Variants in FANCL observed in about 807,000 individuals in gnomAD.
FANCL encodes FA complementation group L, also known as E3 ubiquitin-protein ligase FANCL.
In FANCL, 69 loss-of-function variants were observed where a neutral mutation model predicts 59.4. The observed-to-expected ratio is 1.16, with a 90% confidence interval of 0.96 to 1.42. The LOEUF (loss-of-function observed/expected upper bound fraction) is 1.42, where lower values mean the gene tolerates loss of function less well. Among genes scored for constraint, FANCL ranks in the 40% most tolerant of loss-of-function variants. FANCL has a pLI of 0.00. For missense variants in FANCL, 519 were observed against 447.2 expected, an observed-to-expected ratio of 1.16 and a Z score of -1.45; for synonymous variants, 180 against 147.1, an observed-to-expected ratio of 1.22 and a Z score of -1.62.
chr2:58,218,203 T>C (rs1692037328), intron 5 of FANCL, among the ~76,000 whole-genome samples: 1 of 151,888 alleles, frequency 6.6e-6, no homozygotes, highest in African/African-American at 2.4e-5. Context: ...AATTAATATA[T>C]AATAAAGTAA....
At position 58,204,177 on chromosome 2, in the gene FANCL, C is replaced by G. The variant is rs1457179793; in HGVS notation, c.424G>C (p.Asp142His). The stretch of plus-strand genomic sequence containing the variant: ...ATTAAATGCTCTCTACCAGAAGCAT[C>G]TTCTGCTTTTAACTTGATGGTACTG... ...CFSTIKLKAE[D>H]ASGREHLITL... Residue 142 changes from aspartate to histidine, a missense_variant, in exon 6 of 14, where the codon GAT (aspartate) becomes CAT (histidine). Asp to His is a moderately conservative substitution (Grantham distance 81). Coordinates refer to ENST00000233741, the MANE Select transcript of FANCL (RefSeq NM_018062.4). 7.4e-6 allele frequency: 12 copies of G among 1,613,262 alleles called. No individual in the cohort carries two copies. In the Admixed American group the frequency reaches 2.0e-4, roughly 27 times the overall value.
chr2:58,207,148 TTTATAACAG>T (rs1176641414), intron 5 of FANCL, among the ~76,000 whole-genome samples: 1 of 152,172 alleles, frequency 6.6e-6, no homozygotes, highest in Non-Finnish European at 1.5e-5. Context: ...TGGGGGTTCA[TTTATAACAG>T]AACTATGCTT....
At chr2:58,221,015 G>A (rs540810741) in intron 5 of FANCL, among the ~76,000 whole-genome samples, 5 of 151,464 alleles carry the variant, frequency 3.3e-5, no homozygotes, top group Admixed American at 1.3e-4. Context: ...GATCGAGACC[G>A]ATCCTGGCTA....
intron 4 of FANCL, among the ~76,000 whole-genome samples, chr2:58,225,400 T>A (rs1290920470): frequency 6.6e-6 from 1 of 151,944 alleles, no homozygotes; most frequent in Non-Finnish European, 1.5e-5. Flanking sequence ...ACAGAAGATT[T>A]TCAACTAATA....
At chr2:58,164,212 G>A (rs967028253) in intron 8 of FANCL, among the ~76,000 whole-genome samples, 4 of 151,914 alleles carry the variant, frequency 2.6e-5, no homozygotes, top group Non-Finnish European at 5.9e-5. Context: ...TTTTTTGAAG[G>A]TACATAGTGT....
At position 58,165,859 on chromosome 2, in the gene FANCL, T is replaced by C. The variant is rs1685886480; in HGVS notation, c.556A>G (p.Ile186Val). 6.2e-7 allele frequency: 1 copy of C among 1,614,052 alleles called. No individual in the cohort carries two copies. The highest frequency in any genetic ancestry group is 8.5e-7 in the Non-Finnish European group (1 of 1,179,958). The part of the protein sequence containing the change: ...SWTPQSSLIS[I>V]YSQFLAAIES... ...ATTGCTGCCAAAAACTGACTATAAA[T>C]GCTTATTAAGGAGCTCTGTGAAAAA... is the stretch of plus-strand genomic sequence containing the variant. Residue 186 changes from isoleucine to valine, a missense_variant, in exon 8 of 14, where the codon ATT becomes GTT. Coordinates refer to ENST00000233741, the MANE Select transcript of FANCL (RefSeq NM_018062.4).
chr2:58,204,570 T>C (rs931252113), intron 5 of FANCL, among the ~76,000 whole-genome samples: 25 of 152,116 alleles, frequency 1.6e-4, no homozygotes, highest in Non-Finnish European at 3.2e-4. Flanking sequence ...TTAAACTTCC[T>C]GTCAAACTCT....
intron 1 of FANCL, among the ~76,000 whole-genome samples, chr2:58,234,954 C>T (rs1328956665): frequency 3.3e-5 from 5 of 151,898 alleles, no homozygotes; most frequent in East Asian, 1.9e-4. Context: ...CAATAGGCAG[C>T]GAGGACAGTG....
At chr2:58,231,163 T>C (rs537497892) in intron 2 of FANCL, among the ~76,000 whole-genome samples, 61 of 152,320 alleles carry the variant, frequency 4.0e-4, no homozygotes, top group Non-Finnish European at 5.3e-4. Flanking sequence ...TGACCAGTCC[T>C]TTAAATGTTG....
In FANCL at chr2:58,187,738, TAA is replaced by T. The variant is rs376550296; in HGVS notation, c.540+10854_540+10855del. 1.7e-3 allele frequency among the ~76,000 whole-genome samples: 252 copies of T among 152,270 alleles called. 1 individual carries two copies. The highest frequency in any genetic ancestry group is 5.5e-3 in the African/African-American group (230 of 41,560). ...AATTTATATAAAGCTTTAATGGTAG[TAA>T]AAGTGTTATCCTTGAAAAATCTAGA... On this transcript the variant is annotated intron_variant, in intron 7 of 13. Transcript: ENST00000233741.
chr2:58,195,982 G>C (rs964842287), intron 7 of FANCL, among the ~76,000 whole-genome samples: 2 of 152,122 alleles, frequency 1.3e-5, no homozygotes, highest in Non-Finnish European at 2.9e-5. Flanking sequence ...AGCACTGTTT[G>C]TCAGAATTTG....
chr2:58,218,123 G>A (rs934341146), intron 5 of FANCL, among the ~76,000 whole-genome samples: 2 of 151,930 alleles, frequency 1.3e-5, no homozygotes, highest in African/African-American at 4.8e-5. Context: ...ATTTTTAACT[G>A]ATAGTAATAG....
chr2:58,170,929 G>T (rs1686538074), intron 7 of FANCL, among the ~76,000 whole-genome samples: 1 of 152,106 alleles, frequency 6.6e-6, no homozygotes, highest in African/African-American at 2.4e-5. Flanking sequence ...AATAGTGGGA[G>T]ACTGTAACAC....
chr2:58,241,339 A>T (rs367703311), upstream of FANCL: 222 of 1,610,924 alleles, frequency 1.4e-4, no homozygotes, highest in Non-Finnish European at 1.7e-4. Context: ...GAAACACAGA[A>T]AAGCTCTAGA....
chr2:58,228,800 G>T (rs1179205310), intron 3 of FANCL, among the ~76,000 whole-genome samples: 1 of 152,042 alleles, frequency 6.6e-6, no homozygotes, highest in Non-Finnish European at 1.5e-5. Context: ...TAAATAATTG[G>T]GATTTTTTTC....
chr2:58,183,499 T>C (rs1688120695), intron 7 of FANCL, among the ~76,000 whole-genome samples: 1 of 151,950 alleles, frequency 6.6e-6, no homozygotes, highest in Admixed American at 6.6e-5. Context: ...TTGTAGGTCC[T>C]ATTGAATCTT....
intron 8 of FANCL, among the ~76,000 whole-genome samples, chr2:58,164,277 T>A (rs191484736): frequency 6.6e-6 from 1 of 152,132 alleles, no homozygotes; most frequent in Admixed American, 6.5e-5. Context: ...TCTTGATAAA[T>A]TCCATACACT....
chr2:58,206,325 ATTAT>A lies in FANCL; in HGVS notation c.375-2103_375-2100del, dbSNP rs146799435. 0.025 allele frequency among the ~76,000 whole-genome samples: 3,796 copies of A among 152,252 alleles called. 160 individuals carry two copies. The highest frequency in any genetic ancestry group is 0.087 in the African/African-American group (3,622 of 41,556). ...ATAAAGAAATATTGCATGTAGGCAG[ATTAT>A]TTAGAAACATGGAAGTTGTAAACAT... On this transcript the variant is annotated intron_variant, in intron 5 of 13. Transcript: ENST00000233741.
At chr2:58,227,582 T>C (rs1693147705) in intron 3 of FANCL, among the ~76,000 whole-genome samples, 1 of 152,216 alleles carries the variant, frequency 6.6e-6, no homozygotes, top group Admixed American at 6.5e-5. Flanking sequence ...CGGTGTGCTC[T>C]TGACATGCTC....
Sources: gnomAD v4.1 joint callset for allele counts (sites outside exome capture counted in the v4.1 genomes callset) on GRCh38, gnomAD v4.1.1 for gene constraint, MANE v1.5 for transcripts, NCBI Gene and HGNC (gene_info 2026-07-23, HGNC 2026-07-21) for gene names.